ARHGAP15: variants seen among roughly 807,000 people sequenced by gnomAD.
ARHGAP15 encodes the protein rho GTPase-activating protein 15.
ARHGAP15 carries 51 observed loss-of-function variants against 63.7 expected under a neutral mutation model. The ratio of observed to expected loss-of-function variants is 0.80; its 90% CI spans 0.64 to 1.01. The LOEUF (loss-of-function observed/expected upper bound fraction) is 1.01, where lower values mean the gene tolerates loss of function less well. Among genes scored for constraint, ARHGAP15 ranks in the 50% least tolerant of loss-of-function variants. The pLI is 0.00. For missense variants in ARHGAP15, 560 were observed against 564.6 expected (o/e 0.99, Z 0.08); for synonymous variants, 191 against 193.8 (o/e 0.99, Z 0.12).
intron 2 of ARHGAP15, among the ~76,000 whole-genome samples, chr2:143,201,287 A>G (rs942862443): frequency 2.7e-5 from 4 of 150,772 alleles, no homozygotes; most frequent in African/African-American, 7.3e-5. Context: ...CTAGCTAATT[A>G]AAAAAAAATT....
chr2:143,167,609 G>T (rs1690596687), intron 2 of ARHGAP15, among the ~76,000 whole-genome samples: 1 of 151,990 alleles, frequency 6.6e-6, no homozygotes, highest in Non-Finnish European at 1.5e-5. Flanking sequence ...ATGAAACCTT[G>T]TTCCCCAAGG....
chr2:143,200,324 G>A (rs1692058056), intron 2 of ARHGAP15, among the ~76,000 whole-genome samples: 1 of 151,300 alleles, frequency 6.6e-6, no homozygotes, highest in African/African-American at 2.4e-5. Context: ...TAGAGCAAAT[G>A]TGGGGTTCCA....
At chr2:143,373,287 A>G (rs1351602953) in intron 6 of ARHGAP15, among the ~76,000 whole-genome samples, 1 of 152,174 alleles carries the variant, frequency 6.6e-6, no homozygotes, top group East Asian at 1.9e-4. Flanking sequence ...AAGCCAGGTA[A>G]TGTGTTCCAA....
chr2:143,661,261 C>T (rs970669098), intron 12 of ARHGAP15, among the ~76,000 whole-genome samples: 8 of 152,234 alleles, frequency 5.3e-5, no homozygotes, highest in Middle Eastern at 3.4e-3. Flanking sequence ...CCCTTTGCCA[C>T]GAAGATAGCA....
chr2:143,554,723 C>T (rs575445354), intron 10 of ARHGAP15, among the ~76,000 whole-genome samples: 111 of 152,050 alleles, frequency 7.3e-4, no homozygotes, highest in Non-Finnish European at 1.4e-3. Context: ...TAGACCAATA[C>T]TAAAAGTAGG....
At chr2:143,748,802 C>T (rs1362713471) in intron 13 of ARHGAP15, among the ~76,000 whole-genome samples, 5 of 152,170 alleles carry the variant, frequency 3.3e-5, no homozygotes, top group Non-Finnish European at 7.3e-5. Flanking sequence ...TCAACTCAGC[C>T]TGCTGCATAT....
chr2:143,486,340 G>C (rs1040443014), intron 8 of ARHGAP15, among the ~76,000 whole-genome samples: 2 of 151,108 alleles, frequency 1.3e-5, no homozygotes, highest in African/African-American at 4.9e-5. Context: ...GGAGGCTGAG[G>C]TGAGCAGATC....
chr2:143,469,965 T>TTC (rs111883290), intron 8 of ARHGAP15, among the ~76,000 whole-genome samples: 28 of 151,246 alleles, frequency 1.9e-4, no homozygotes, highest in South Asian at 4.2e-4. Context: ...CTCTTTTTTT[T>TTC]TCTCTCTCTC....
intron 4 of ARHGAP15, 112 bp from the exon 5 acceptor site, chr2:143,228,469 C>A (rs537638218): frequency 3.7e-6 from 2 of 547,742 alleles, no homozygotes; most frequent in South Asian, 4.0e-5. Context: ...TTTAGCAAGA[C>A]TGTTAAAAAT....
chr2:143,539,060 TG>T (rs1694915791), intron 10 of ARHGAP15, among the ~76,000 whole-genome samples: 1 of 152,210 alleles, frequency 6.6e-6, no homozygotes, highest in Non-Finnish European at 1.5e-5. Flanking sequence ...TTTCAGAGCC[TG>T]TTATTGGTCT....
intron 8 of ARHGAP15, among the ~76,000 whole-genome samples, chr2:143,446,854 C>G (rs1359059230): frequency 1.3e-5 from 2 of 149,210 alleles, no homozygotes; most frequent in African/African-American, 5.0e-5. Context: ...GTTCAGTTCC[C>G]ACCTATGAGT....
At chr2:143,498,681 C>A (rs534887566) in intron 9 of ARHGAP15, among the ~76,000 whole-genome samples, 1 of 152,098 alleles carries the variant, frequency 6.6e-6, no homozygotes, top group South Asian at 2.1e-4. Context: ...CTCCCACCCC[C>A]CAAAATTTGG....
At chr2:143,226,809 T>C (rs1693230142) in intron 4 of ARHGAP15, among the ~76,000 whole-genome samples, 1 of 152,242 alleles carries the variant, frequency 6.6e-6, no homozygotes, top group Non-Finnish European at 1.5e-5. Flanking sequence ...TCTGTTCTTT[T>C]TTAACACAAT....
intron 9 of ARHGAP15, among the ~76,000 whole-genome samples, chr2:143,497,646 G>T (rs150409909): frequency 1.3e-5 from 2 of 152,188 alleles, no homozygotes; most frequent in South Asian, 2.1e-4. Context: ...TGCTGCTTTC[G>T]CCTCTGTCGT....
chr2:143,691,226 G>A (rs1052212676), intron 12 of ARHGAP15, among the ~76,000 whole-genome samples: 2 of 152,156 alleles, frequency 1.3e-5, no homozygotes, highest in African/African-American at 4.8e-5. Flanking sequence ...GGAAAGTTAG[G>A]TCTGCTCTGT....
chr2:143,328,215 C>G (rs1412915363), intron 6 of ARHGAP15, among the ~76,000 whole-genome samples: 1 of 152,100 alleles, frequency 6.6e-6, no homozygotes, highest in Non-Finnish European at 1.5e-5. Context: ...ACCAGAAATA[C>G]CATTTGACCT....
intron 12 of ARHGAP15, among the ~76,000 whole-genome samples, chr2:143,663,680 G>T (rs1487960941): frequency 6.6e-6 from 1 of 152,114 alleles, no homozygotes; most frequent in African/African-American, 2.4e-5. Context: ...CATCTCATGT[G>T]CAGAGACACA....
At chr2:143,762,802 T>C (rs59207854) in intron 13 of ARHGAP15, among the ~76,000 whole-genome samples, 70 of 152,310 alleles carry the variant, frequency 4.6e-4, no homozygotes, top group African/African-American at 1.7e-3. Flanking sequence ...CCAAAACTTT[T>C]ACTTTGGAAT....
intron 11 of ARHGAP15, among the ~76,000 whole-genome samples, chr2:143,623,793 G>A (rs1224088513): frequency 1.3e-5 from 2 of 152,194 alleles, no homozygotes; most frequent in Non-Finnish European, 2.9e-5. Flanking sequence ...TTAGCCCCTC[G>A]GCCTCAAAAC....
Sources: gnomAD v4.1 joint callset for allele counts (sites outside exome capture counted in the v4.1 genomes callset) on GRCh38, gnomAD v4.1.1 for gene constraint, MANE v1.5 for transcripts, NCBI Gene and HGNC (gene_info 2026-07-23, HGNC 2026-07-21) for gene names.